Variants in SNTA1 observed in about 807,000 individuals in gnomAD.
SNTA1 encodes syntrophin alpha 1.
In SNTA1, 31 loss-of-function variants were observed where a neutral mutation model predicts 47.1. That is an observed-to-expected ratio of 0.66 (90% CI 0.49 to 0.89). SNTA1 has a LOEUF of 0.89. Ranked by LOEUF, SNTA1 falls within the 40% of genes least tolerant of loss-of-function variation. The probability of loss-of-function intolerance (pLI) is 0.00; values close to 1 mark genes in which losing one functional copy is unlikely to be tolerated. For missense variants in SNTA1, 575 were observed against 693.0 expected, an observed-to-expected ratio of 0.83 and a Z score of 1.91; for synonymous variants, 300 against 313.6, an observed-to-expected ratio of 0.96 and a Z score of 0.46.
In SNTA1 at chr20:33,443,323, T is replaced by C. The variant is rs774033340; in HGVS notation, c.298A>G (p.Ile100Val). ...VRKADAGGLG[I>V]SIKGGRENKM... is the part of the protein sequence containing the mutation. ...GTCCCGCGCCCACCTTTGATGCTGA[T>C]GCCCAGCCCACCGGCGTCGGCCTTG... Residue 100 changes from isoleucine to valine, a missense_variant, in exon 1 of 8, where the codon ATC (isoleucine) becomes GTC (valine). Transcript: ENST00000217381. The C allele has an allele frequency of 2.0e-6, 3 of 1,506,490 alleles. No individual in the cohort carries two copies. The highest frequency in any genetic ancestry group is 2.6e-6 in the Non-Finnish European group (3 of 1,134,944). 93.3% of individuals were successfully genotyped at this position (1,506,490 alleles called of 1,614,324 possible).
intron 2 of SNTA1, among the ~76,000 whole-genome samples, chr20:33,431,593 C>T (rs1221406882): frequency 1.3e-5 from 2 of 151,070 alleles, no homozygotes; most frequent in African/African-American, 4.9e-5. Flanking sequence ...ACTAAAAATA[C>T]AAAAAATTAG....
chr20:33,435,228 G>A (rs1308793546), intron 2 of SNTA1, among the ~76,000 whole-genome samples: 8 of 148,954 alleles, frequency 5.4e-5, no homozygotes, highest in East Asian at 2.0e-4. Flanking sequence ...CTGGCCTCAG[G>A]TGATCCACCC....
chr20:33,420,120 C>T (rs539902897), intron 2 of SNTA1, among the ~76,000 whole-genome samples: 1 of 152,178 alleles, frequency 6.6e-6, no homozygotes, highest in African/African-American at 2.4e-5. Context: ...GATGGGGTTT[C>T]GCCATGTTGG....
chr20:33,412,361 C>T lies in SNTA1; in HGVS notation c.975G>A (p.Leu325=), dbSNP rs975594577. 1.2e-6 allele frequency: 2 copies of T among 1,611,654 alleles called. No individual in the cohort carries two copies. Among genetic ancestry groups the T allele is most frequent in the African/African-American group, 2.7e-5 (2 of 74,874 alleles). The part of the protein sequence containing the change: ...LLTEKELLLY[L]SLPETREALS... ...GGGCCTCGCGGGTCTCGGGGAGAGA[C>T]AAGTAGAGGAGCAGTTCCTTTTCAG... Residue 325 remains leucine, a synonymous_variant, in exon 5 of 8, where the codon TTG becomes TTA. Coordinates refer to ENST00000217381, the MANE Select transcript of SNTA1 (RefSeq NM_003098.3).
intron 2 of SNTA1, among the ~76,000 whole-genome samples, chr20:33,430,465 G>A (rs1287603696): frequency 6.7e-6 from 1 of 150,278 alleles, no homozygotes; most frequent in East Asian, 2.0e-4. Context: ...TAGTAGAGAC[G>A]GGGTTTCACC....
chr20:33,422,307 C>T (rs554973756), intron 2 of SNTA1, among the ~76,000 whole-genome samples: 6 of 150,948 alleles, frequency 4.0e-5, no homozygotes, highest in South Asian at 2.1e-4. Context: ...GGCATGGTGG[C>T]GTGCACCTAT....
rs1187411437 is a variant in SNTA1, at chr20:33,408,854, A to G, written c.1272T>C (p.Ser424=). 1.9e-6 allele frequency: 3 copies of G among 1,614,200 alleles called. No individual in the cohort carries two copies. Among genetic ancestry groups the G allele is most frequent in the Non-Finnish European group, 2.5e-6 (3 of 1,180,046 alleles). The change falls in exon 7 of 8, where the codon TCT becomes TCC. Residue 424 remains serine (S), a synonymous_variant. Coordinates refer to ENST00000217381, the MANE Select transcript of SNTA1 (RefSeq NM_003098.3). ...GTGTGAAGCCCTTGTCGATGTGCAC[A>G]GACAGGCTGCAGGGACGCCCATTCC... ...CTWNGRPCSL[S]VHIDKGFTLW...
chr20:33,420,654 T>C (rs570475495), intron 2 of SNTA1, among the ~76,000 whole-genome samples: 1 of 152,294 alleles, frequency 6.6e-6, no homozygotes, highest in Admixed American at 6.5e-5. Context: ...ACTCAGAGGC[T>C]GTATGAGCTT....
chr20:33,411,395 G>A lies in SNTA1; in HGVS notation c.1040+901C>T, dbSNP rs73270014. ...TTCATTCCGGACCCCTCCTTCACCC[G>A]CCCCATCTGGCAAGCACGGAGCCCT... On this transcript the variant is annotated intron_variant, in intron 5 of 7. Transcript: ENST00000217381. 4.6e-3 allele frequency among the ~76,000 whole-genome samples: 608 copies of A among 131,482 alleles called. 7 individuals carry two copies. Among genetic ancestry groups the A allele is most frequent in the African/African-American group, 0.016 (571 of 34,700 alleles). 86.3% of individuals were successfully genotyped at this position (131,482 alleles called of 152,430 possible). A position where few individuals can be genotyped will look rare whatever the true frequency, so the allele number is the denominator to read the frequency against.
At chr20:33,434,329 A>G (rs111851350) in intron 2 of SNTA1, among the ~76,000 whole-genome samples, 12 of 148,794 alleles carry the variant, frequency 8.1e-5, no homozygotes, top group African/African-American at 2.7e-4. Flanking sequence ...GCCTTCCACC[A>G]CTCCTCCTCC....
chr20:33,415,233 A>AT (rs1989845576), intron 3 of SNTA1, among the ~76,000 whole-genome samples: 1 of 152,116 alleles, frequency 6.6e-6, no homozygotes, highest in African/African-American at 2.4e-5. Flanking sequence ...TTGCATTTAC[A>AT]TGTCATCTAC....
At chr20:33,417,142 T>C (rs1293341106) in intron 3 of SNTA1, among the ~76,000 whole-genome samples, 2 of 151,770 alleles carry the variant, frequency 1.3e-5, no homozygotes, top group Non-Finnish European at 2.9e-5. Flanking sequence ...TAAAATAAAA[T>C]GGAGGTGAAA....
At chr20:33,428,490 C>T (rs1026069906) in intron 2 of SNTA1, among the ~76,000 whole-genome samples, 1 of 151,638 alleles carries the variant, frequency 6.6e-6, no homozygotes, top group Non-Finnish European at 1.5e-5. Flanking sequence ...GTGATAAAAG[C>T]AAATATGGAA....
At chr20:33,416,102 C>T (rs1051101631) in intron 3 of SNTA1, among the ~76,000 whole-genome samples, 1 of 152,096 alleles carries the variant, frequency 6.6e-6, no homozygotes, top group African/African-American at 2.4e-5. Context: ...AGCGATACTC[C>T]GTCTCAAAAA....
chr20:33,443,396 C>A lies in SNTA1; in HGVS notation c.225G>T (p.Pro75=). The change falls in exon 1 of 8, where the codon CCG becomes CCT. Residue 75 remains proline, a synonymous_variant. Transcript: ENST00000217381. ...NGAAEPGAGP[P]QLPEALLLQR... is the part of the protein sequence containing the mutation. Reference sequence around the variant, plus strand: ...GGAGCAGTAGCGCCTCTGGCAGCTGCGGGGGCCCGGCGCCCGGCTCCGCGG... The same window carrying A: ...GGAGCAGTAGCGCCTCTGGCAGCTGAGGGGGCCCGGCGCCCGGCTCCGCGG... The A allele has an allele frequency of 7.3e-7, 1 of 1,364,138 alleles. No individual in the cohort carries two copies. Among genetic ancestry groups the A allele is most frequent in the Non-Finnish European group, 9.4e-7 (1 of 1,065,370 alleles). 84.5% of individuals were successfully genotyped at this position (1,364,138 alleles called of 1,614,324 possible).
chr20:33,438,117 A>G (rs986512209), intron 2 of SNTA1, among the ~76,000 whole-genome samples: 2 of 152,148 alleles, frequency 1.3e-5, no homozygotes, highest in African/African-American at 2.4e-5. Context: ...CCTGGCCAAC[A>G]TGGCAAAACC....
rs1181197221 is a variant in SNTA1, at chr20:33,408,354, A to G, written c.*153T>C. ...CTGCGTCTGGGTCCTGGGCCCCAAG[A>G]CCAATCCAGTCTCCCTCAGGGTTGG... On this transcript the variant is annotated 3_prime_UTR_variant, in exon 8 of 8. Coordinates refer to ENST00000217381, the MANE Select transcript of SNTA1 (RefSeq NM_003098.3). 2 of 695,180 alleles carry G rather than the reference A, an allele frequency of 2.9e-6. No homozygotes were observed. Among genetic ancestry groups the G allele is most frequent in the East Asian group, 5.4e-5 (2 of 36,768 alleles). 43.1% of individuals were successfully genotyped at this position (695,180 alleles called of 1,614,324 possible).
At chr20:33,417,008 G>C (rs1019788593) in intron 3 of SNTA1, among the ~76,000 whole-genome samples, 1 of 151,346 alleles carries the variant, frequency 6.6e-6, no homozygotes, top group Admixed American at 6.6e-5. Flanking sequence ...AGCTACTTAG[G>C]AGGCTAAGGC....
intron 1 of SNTA1, among the ~76,000 whole-genome samples, chr20:33,439,760 G>A (rs1990534331): frequency 1.3e-5 from 2 of 151,762 alleles, no homozygotes; most frequent in South Asian, 2.1e-4. Context: ...CAAGGTGGTC[G>A]GATCACTTGA....
Sources: allele counts gnomAD v4.1 joint callset (sites outside exome capture counted in the v4.1 genomes callset), GRCh38; gene constraint gnomAD v4.1.1; transcripts MANE v1.5; gene names NCBI Gene and HGNC (gene_info 2026-07-23, HGNC 2026-07-21).